The following TANC1 variants were observed in gnomAD, a reference collection of about 807,000 sequenced individuals.
TANC1 encodes tetratricopeptide repeat, ankyrin repeat and coiled-coil containing 1.
Under a neutral mutation model 149.7 loss-of-function variants are expected in TANC1, and 77 were observed. That is an observed-to-expected ratio of 0.51 (90% CI 0.43 to 0.62). TANC1 has a LOEUF of 0.62. TANC1 is among the 20% of genes least tolerant of loss of function. TANC1 has a pLI of 0.00. For missense variants in TANC1, 1,985 were observed against 2,321.8 expected (o/e 0.85, Z 2.98); for synonymous variants, 854 against 925.0 (o/e 0.92, Z 1.39).
At chr2:159,097,979 T>C (rs2046306884) in intron 4 of TANC1, 145 bp downstream of exon 4, 6 of 714,762 alleles carry the variant, frequency 8.4e-6, no homozygotes, top group Non-Finnish European at 1.3e-5. Flanking sequence ...TCTTTTTTTT[T>C]TTTTAATTTA....
chr2:159,105,673 A>G (rs1019278632), intron 4 of TANC1, among the ~76,000 whole-genome samples: 8 of 152,184 alleles, frequency 5.3e-5, no homozygotes, highest in Non-Finnish European at 1.0e-4. Context: ...ACATTTGCCC[A>G]TTCCCCCAGC....
At chr2:158,989,078 G>A (rs2035334401) in intron 1 of TANC1, among the ~76,000 whole-genome samples, 1 of 152,068 alleles carries the variant, frequency 6.6e-6, no homozygotes, top group African/African-American at 2.4e-5. Context: ...GAGCACACTG[G>A]GGGAAATAAG....
intron 3 of TANC1, among the ~76,000 whole-genome samples, chr2:159,079,448 G>A (rs577171752): frequency 6.9e-6 from 1 of 144,400 alleles, no homozygotes; most frequent in East Asian, 2.2e-4. Context: ...AGAGGTCAAA[G>A]TACTAGCTTA....
chr2:159,167,484 G>C (rs940791790), intron 8 of TANC1, among the ~76,000 whole-genome samples: 2 of 152,212 alleles, frequency 1.3e-5, no homozygotes, highest in African/African-American at 4.8e-5. Flanking sequence ...CCGTACATTC[G>C]ATCCATTTAA....
At chr2:159,196,220 A>C (rs17494056) in intron 17 of TANC1, among the ~76,000 whole-genome samples, 28,753 of 152,110 alleles carry the variant, frequency 0.19, 3,512 homozygotes, top group Middle Eastern at 0.28. Context: ...CCTTCAAATT[A>C]TAGCTTGTCA....
chr2:158,996,502 A>G (rs540766910), intron 1 of TANC1, among the ~76,000 whole-genome samples: 12 of 152,406 alleles, frequency 7.9e-5, no homozygotes, highest in African/African-American at 2.9e-4. Flanking sequence ...GCATTCTTCT[A>G]GAAATGATTT....
intron 3 of TANC1, among the ~76,000 whole-genome samples, chr2:159,069,765 C>CTT (rs67843631): frequency 1.6e-4 from 18 of 109,354 alleles, no homozygotes; most frequent in South Asian, 6.7e-4. Context: ...TATGTGCAAG[C>CTT]TTTTTTTTTT....
intron 19 of TANC1, among the ~76,000 whole-genome samples, chr2:159,201,491 C>T (rs2058246803): frequency 6.6e-6 from 1 of 152,202 alleles, no homozygotes; most frequent in African/African-American, 2.4e-5. Context: ...GATTCCCCAG[C>T]CTGTGTGGCT....
At chr2:159,226,174 G>GAAAA in intron 24 of TANC1, 1 of 167,256 alleles carries the variant, frequency 6.0e-6, no homozygotes, top group South Asian at 1.2e-4. Context: ...AGTCTCAGAA[G>GAAAA]AAAAAAAAAA....
At chr2:159,064,934 A>C (rs2042535155) in intron 2 of TANC1, among the ~76,000 whole-genome samples, 4 of 147,952 alleles carry the variant, frequency 2.7e-5, no homozygotes, top group African/African-American at 7.5e-5. Context: ...TCCCCTCCCC[A>C]CCCCTTTTCT....
At chr2:159,213,205 G>C (rs978977018) in intron 19 of TANC1, among the ~76,000 whole-genome samples, 1 of 152,118 alleles carries the variant, frequency 6.6e-6, no homozygotes, top group Non-Finnish European at 1.5e-5. Flanking sequence ...TATGCGAAAA[G>C]GCATATTTTG....
At chr2:159,032,874 T>C (rs1336586450) in intron 2 of TANC1, among the ~76,000 whole-genome samples, 1 of 152,184 alleles carries the variant, frequency 6.6e-6, no homozygotes, top group Non-Finnish European at 1.5e-5. Context: ...TGGTGTTTTC[T>C]GGATAAGTTG....
At chr2:159,027,465 C>T (rs1333025636) in intron 2 of TANC1, among the ~76,000 whole-genome samples, 1 of 152,184 alleles carries the variant, frequency 6.6e-6, no homozygotes, top group Non-Finnish European at 1.5e-5. Context: ...CGTCTGAGAC[C>T]TTGTCGGAAT....
intron 4 of TANC1, among the ~76,000 whole-genome samples, chr2:159,114,352 A>G (rs985499929): frequency 1.3e-5 from 2 of 152,200 alleles, no homozygotes; most frequent in African/African-American, 4.8e-5. Context: ...GGAGCTATCC[A>G]TTAGTTTCTG....
At chr2:159,228,076 C>T in intron 25 of TANC1, 111 bp downstream of exon 25, 1 of 1,237,286 alleles carries the variant, frequency 8.1e-7, no homozygotes, top group East Asian at 2.4e-5. Flanking sequence ...GTCCAATTTG[C>T]TTGCACATTT....
At position 159,038,854 on chromosome 2, in the gene TANC1, C is replaced by T. The variant is rs1012248173; in HGVS notation, c.-15-27042C>T. Among the ~76,000 whole-genome samples the T allele has an allele frequency of 3.3e-5, 5 of 152,148 alleles. No individual in the cohort carries two copies. The South Asian group carries it at 1.0e-3, about 32-fold the overall frequency. ...GCCCAGCTTTGGTATCAGGATGATG[C>T]TGGCCTCATAAAATGAGTTAGGGAA... On this transcript the variant is annotated intron_variant, in intron 2 of 26. Transcript: ENST00000263635.
chr2:159,230,647 A>G lies in TANC1; in HGVS notation c.5221A>G (p.Ser1741Gly). 6.2e-7 allele frequency: 1 copy of G among 1,614,226 alleles called. No homozygotes were observed. Among genetic ancestry groups the G allele is most frequent in the African/African-American group, 1.3e-5 (1 of 75,058 alleles). The change falls in exon 27 of 27, where the codon AGC becomes GGC. Residue 1741 changes from serine (S) to glycine (G), a missense_variant. This residue lies in a region of TANC1 where 920 missense variants were observed against 994.7 expected (regional missense o/e 0.92). Coordinates refer to ENST00000263635, the MANE Select transcript of TANC1 (RefSeq NM_033394.3). This position sits in a 1 kb window ranked among gnomAD's most constrained non-coding sequence, Gnocchi z 4.4. ...GTTCCAACAGCAGAGCAATCCTCCAAGCCGCAGCTGGCACTGTCCGGCACC... is the reference window on the plus strand; with the variant it reads ...GTTCCAACAGCAGAGCAATCCTCCAGGCCGCAGCTGGCACTGTCCGGCACC... ...ARFQQQSNPPSRSWHCPAPEG... is the reference protein window; with the variant it reads ...ARFQQQSNPPGRSWHCPAPEG...
At chr2:158,991,690 G>C (rs923863998) in intron 1 of TANC1, among the ~76,000 whole-genome samples, 7 of 152,028 alleles carry the variant, frequency 4.6e-5, no homozygotes, top group Admixed American at 4.6e-4. Flanking sequence ...AGCTTGCAGT[G>C]AGCTGATATC....
chr2:159,166,067 G>T (rs2054572111), intron 8 of TANC1, among the ~76,000 whole-genome samples: 1 of 152,146 alleles, frequency 6.6e-6, no homozygotes, highest in Admixed American at 6.5e-5. Flanking sequence ...AGTGGGATTG[G>T]TTTGGACAAC....
Sources: gnomAD v4.1 joint callset for allele counts (sites outside exome capture counted in the v4.1 genomes callset) on GRCh38, gnomAD v4.1.1 for gene constraint, gnomAD v4.1.1 regional missense constraint, Gnocchi (gnomAD v3.1) non-coding constraint, MANE v1.5 for transcripts, NCBI Gene and HGNC (gene_info 2026-07-23, HGNC 2026-07-21) for gene names.